The following FAM178B variants were observed in gnomAD, a reference collection of about 807,000 sequenced individuals.
FAM178B encodes the protein family with sequence similarity 178 member B, also known as protein FAM178B.
A neutral mutation model predicts 91.7 loss-of-function variants in FAM178B; 82 were observed. The ratio of observed to expected loss-of-function variants is 0.89; its 90% CI spans 0.75 to 1.07. The LOEUF is 1.07. FAM178B is among the 50% of genes least tolerant of loss of function. FAM178B has a pLI of 0.00. For missense variants in FAM178B, 769 were observed against 846.7 expected (o/e 0.91, Z 1.14); for synonymous variants, 368 against 359.4 (o/e 1.02, Z -0.27).
At chr2:96,936,514 T>C (rs2153372254) in intron 8 of FAM178B, among the ~76,000 whole-genome samples, 1 of 137,440 alleles carries the variant, frequency 7.3e-6, no homozygotes, top group South Asian at 2.2e-4. Context: ...TTTTTTTGGT[T>C]GTTTTTTTTT....
chr2:96,978,292 C>A (rs1410284352), intron 1 of FAM178B, among the ~76,000 whole-genome samples: 5 of 152,162 alleles, frequency 3.3e-5, no homozygotes, highest in Admixed American at 3.3e-4. Flanking sequence ...AAATCACACA[C>A]ACATTTTTAA....
chr2:96,887,581 G>A (rs1173506880), intron 14 of FAM178B, among the ~76,000 whole-genome samples: 3 of 152,366 alleles, frequency 2.0e-5, no homozygotes, highest in Admixed American at 6.5e-5. Context: ...AGAACAGAGC[G>A]TTTCTGGGAG....
At chr2:96,942,072 A>C (rs1268994530) in intron 8 of FAM178B, among the ~76,000 whole-genome samples, 1 of 152,266 alleles carries the variant, frequency 6.6e-6, no homozygotes, top group Non-Finnish European at 1.5e-5. Flanking sequence ...GCAATGAACA[A>C]TTTGAAAAGG....
At position 96,893,963 on chromosome 2, in the gene FAM178B, T is replaced by C. The variant is rs2080745888; in HGVS notation, c.1739A>G (p.Glu580Gly). 1.9e-6 allele frequency: 3 copies of C among 1,612,934 alleles called. No homozygotes were observed. The highest frequency in any genetic ancestry group is 1.3e-5 in the African/African-American group (1 of 74,910). Residue 580 changes from glutamate (E) to glycine (G), a missense_variant, in exon 14 of 17, where the codon GAG becomes GGG. Glu to Gly is a moderately conservative substitution (Grantham distance 98). Coordinates refer to ENST00000490605, the MANE Select transcript of FAM178B (RefSeq NM_001122646.3). ...LDSVPLPPCQ[E>G]QQPKASAELD... Reference sequence around the variant, plus strand: ...CTCGGCACTAGCCTTTGGCTGTTGCTCCTGGCAGGGTGGCAAGGGCACAGA... The same window carrying C: ...CTCGGCACTAGCCTTTGGCTGTTGCCCCTGGCAGGGTGGCAAGGGCACAGA...
intron 14 of FAM178B, among the ~76,000 whole-genome samples, chr2:96,892,005 G>A (rs1036642172): frequency 6.6e-6 from 1 of 152,244 alleles, no homozygotes; most frequent in African/African-American, 2.4e-5. Flanking sequence ...GGGATGAAAG[G>A]CTCAGCCACG....
At chr2:96,972,685 G>T in intron 1 of FAM178B, 79 bp from the exon 2 acceptor site, 1 of 1,377,028 alleles carries the variant, frequency 7.3e-7, no homozygotes, top group South Asian at 1.2e-5. Flanking sequence ...TCCCACAGAG[G>T]AGGGCCTGGG....
chr2:96,948,444 A>C (rs912943618), intron 7 of FAM178B, among the ~76,000 whole-genome samples: 1 of 152,226 alleles, frequency 6.6e-6, no homozygotes, highest in African/African-American at 2.4e-5. Flanking sequence ...CAGGGTGGTC[A>C]TTTCTGGGAT....
intron 7 of FAM178B, 47 bp downstream of exon 7, chr2:96,951,332 C>T (rs1328654385): frequency 8.5e-6 from 12 of 1,406,840 alleles, no homozygotes; most frequent in South Asian, 1.2e-5. Flanking sequence ...GCCGGGCCAC[C>T]AGACTGCAGC....
chr2:96,955,045 G>A (rs2153373907), intron 6 of FAM178B, among the ~76,000 whole-genome samples: 1 of 152,080 alleles, frequency 6.6e-6, no homozygotes, highest in South Asian at 2.1e-4. Flanking sequence ...GCATGGGCCT[G>A]ACTAAAAACA....
chr2:96,962,517 T>C (rs1298449285), intron 5 of FAM178B, among the ~76,000 whole-genome samples: 1 of 151,976 alleles, frequency 6.6e-6, no homozygotes, highest in East Asian at 1.9e-4. Flanking sequence ...TCCCTGTCCC[T>C]AAAACCATCT....
intron 14 of FAM178B, among the ~76,000 whole-genome samples, chr2:96,880,884 G>A (rs1178966516): frequency 1.3e-5 from 2 of 152,110 alleles, no homozygotes; most frequent in East Asian, 1.9e-4. Flanking sequence ...GTGAGCCACC[G>A]CGCCCGGCTA....
In FAM178B at chr2:96,903,588, C is replaced by T. The variant is rs865908707; in HGVS notation, c.1563-881G>A. On this transcript the variant is annotated intron_variant, in intron 12 of 16. Coordinates refer to ENST00000490605, the MANE Select transcript of FAM178B (RefSeq NM_001122646.3). ...TATCAGCAAAGTGCAGGCATGCAGGCCTTTCCAGCAGGGCCGCCACTACAG... is the reference window on the plus strand; with the variant it reads ...TATCAGCAAAGTGCAGGCATGCAGGTCTTTCCAGCAGGGCCGCCACTACAG... 2.0e-5 allele frequency among the ~76,000 whole-genome samples: 3 copies of T among 152,366 alleles called. No individual in the cohort carries two copies. In the South Asian group the frequency reaches 6.2e-4, roughly 32 times the overall value.
chr2:96,948,022 G>A (rs954746722), intron 7 of FAM178B, 120 bp from the exon 8 acceptor site: 21 of 621,184 alleles, frequency 3.4e-5, no homozygotes, highest in African/African-American at 3.0e-4. Flanking sequence ...TCATAAGTCT[G>A]TGTGGTAGAA....
chr2:96,885,366 A>G (rs1398609431), intron 14 of FAM178B, among the ~76,000 whole-genome samples: 1 of 152,196 alleles, frequency 6.6e-6, no homozygotes, highest in Non-Finnish European at 1.5e-5. Context: ...GGCTTCCTGG[A>G]GAGTGAGTTC....
At chr2:96,948,082 A>G (rs1286913239) in intron 7 of FAM178B, among the ~76,000 whole-genome samples, 180 bp from the exon 8 acceptor site, 1 of 152,232 alleles carries the variant, frequency 6.6e-6, no homozygotes, top group Non-Finnish European at 1.5e-5. Context: ...AGCTCAGAGA[A>G]GTCAAACAAC....
chr2:96,964,450 A>C (rs1016945347), intron 5 of FAM178B, among the ~76,000 whole-genome samples: 1 of 152,084 alleles, frequency 6.6e-6, no homozygotes, highest in Non-Finnish European at 1.5e-5. Flanking sequence ...AGGCTCACAG[A>C]AGCAGCAAGG....
chr2:96,902,853 A>T (rs1388963475), intron 12 of FAM178B, 146 bp from the exon 13 acceptor site: 1 of 618,934 alleles, frequency 1.6e-6, no homozygotes, highest in Non-Finnish European at 3.0e-6. Context: ...ATTGGCTTAC[A>T]GCATTATGTA....
intron 16 of FAM178B, 153 bp downstream of exon 16, chr2:96,877,737 G>A (rs971000340): frequency 8.3e-6 from 6 of 719,632 alleles, no homozygotes; most frequent in Non-Finnish European, 1.1e-5. Flanking sequence ...GGCCCCTCAA[G>A]GCGTCCCCAC....
At chr2:96,921,717 A>T in intron 10 of FAM178B, 63 bp from the exon 11 acceptor site, 1 of 1,489,596 alleles carries the variant, frequency 6.7e-7, no homozygotes. Flanking sequence ...TACTTCGAGG[A>T]CCAGTTCCCT....
Sources: allele counts gnomAD v4.1 joint callset (sites outside exome capture counted in the v4.1 genomes callset), GRCh38; gene constraint gnomAD v4.1.1; transcripts MANE v1.5; gene names NCBI Gene and HGNC (gene_info 2026-07-23, HGNC 2026-07-21).